HDLBP: variants seen among roughly 807,000 people sequenced by gnomAD.
The protein encoded by HDLBP is vigilin.
HDLBP carries 30 observed loss-of-function variants against 137.3 expected under a neutral mutation model. That is an observed-to-expected ratio of 0.22 (90% CI 0.16 to 0.30). The LOEUF is 0.30. Ranked by LOEUF, HDLBP falls within the 10% of genes least tolerant of loss-of-function variation. HDLBP has a pLI of 1.00. For missense variants in HDLBP, 1,119 were observed against 1,667.3 expected (o/e 0.67, Z 5.73); for synonymous variants, 606 against 596.0 (o/e 1.02, Z -0.24).
rs1006894424 is a variant in HDLBP, at chr2:241,240,751, A to T, written c.2170-629T>A. Among the ~76,000 whole-genome samples, 1 of 152,128 alleles carries T rather than the reference A, an allele frequency of 6.6e-6. No individual in the cohort carries two copies. The highest frequency in any genetic ancestry group is 2.4e-5 in the African/African-American group (1 of 41,432). On this transcript the variant is annotated intron_variant, in intron 17 of 27. Coordinates refer to ENST00000310931, the MANE Select transcript of HDLBP (RefSeq NM_005336.6). This position sits in a 1 kb window ranked among gnomAD's most constrained non-coding sequence, Gnocchi z 5.5. ...GTGTAGTGCGACGCCCTTGTGTGGC[A>T]GTAAGAAAACGAGGGTCCTGGAAAG... is the stretch of plus-strand genomic sequence containing the variant.
intron 12 of HDLBP, among the ~76,000 whole-genome samples, chr2:241,248,766 G>A (rs2071878573): frequency 6.6e-6 from 1 of 152,048 alleles, no homozygotes; most frequent in Non-Finnish European, 1.5e-5. Context: ...GATCCCTTCT[G>A]AACAGAGGGT....
At position 241,240,641 on chromosome 2, in the gene HDLBP, C is replaced by T. The variant is rs1033212691; in HGVS notation, c.2170-519G>A. Among the ~76,000 whole-genome samples, 13 of 152,192 alleles carry T rather than the reference C, an allele frequency of 8.5e-5. No individual in the cohort carries two copies. The highest frequency in any genetic ancestry group is 1.6e-4 in the Non-Finnish European group (11 of 68,026). On this transcript the variant is annotated intron_variant, in intron 17 of 27. Transcript: ENST00000310931. This position sits in a 1 kb window ranked among gnomAD's most constrained non-coding sequence, Gnocchi z 5.5. The stretch of plus-strand genomic sequence containing the variant: ...GTGCTACAGATCAGCCTCCACAAAA[C>T]CAGCCACTCCCCAGGCTCAAGCTCA...
rs2070905411 is a variant in HDLBP at position 241,238,991 on chromosome 2, AT to A, written c.2611-205del. ...TCTAAGGGGGTGGGCCTCCTCTGAA[AT>A]GTGTCCCAGAAGGCCAGGTGCCATC... On this transcript the variant is annotated intron_variant, in intron 19 of 27. Transcript: ENST00000310931. The surrounding 1 kb of genome is among the most constrained non-coding windows in gnomAD (Gnocchi z 4.9). 6.6e-6 allele frequency among the ~76,000 whole-genome samples: 1 copy of A among 152,130 alleles called. No individual in the cohort carries two copies. Among genetic ancestry groups the A allele is most frequent in the Admixed American group, 6.5e-5 (1 of 15,274 alleles).
intron 5 of HDLBP, among the ~76,000 whole-genome samples, chr2:241,261,212 A>G (rs113275513): frequency 4.8e-4 from 72 of 148,684 alleles, no homozygotes; most frequent in African/African-American, 1.0e-3. Flanking sequence ...AAAAAAAAAA[A>G]GGGGGTAGGA....
chr2:241,263,868 G>A (rs1206410360), intron 4 of HDLBP, among the ~76,000 whole-genome samples: 1 of 152,156 alleles, frequency 6.6e-6, no homozygotes, highest in East Asian at 1.9e-4. Context: ...CCACGTGCCT[G>A]TCCTACTGAG....
intron 1 of HDLBP, chr2:241,270,839 T>C (rs2073987706): frequency 2.8e-6 from 1 of 353,760 alleles, no homozygotes; most frequent in Non-Finnish European, 4.0e-6. Context: ...GTTCCCAGGA[T>C]ACCTTGGGCA....
Position 241,239,687 on chromosome 2 carries a change from G to T in HDLBP, c.2525C>A (p.Thr842Lys). ...CTTGAGGGTGACTTTGTCGCTCTGT[G>T]TGCCAGAGCGTGGGAAGCTGACCAT... ...GVMVSFPRSG[T>K]QSDKVTLKGA... is the part of the protein sequence containing the mutation. Residue 842 changes from threonine (T) to lysine (K), a missense_variant, in exon 19 of 28, where the codon ACA becomes AAA. This residue lies in a region of HDLBP where 618 missense variants were observed against 816.7 expected (regional missense o/e 0.76). Transcript: ENST00000310931. The surrounding 1 kb of genome is among the most constrained non-coding windows in gnomAD (Gnocchi z 4.6). 1 of 1,614,126 alleles carries T rather than the reference G, an allele frequency of 6.2e-7. No individual in the cohort carries two copies.
Position 241,229,428 on chromosome 2 carries a change from C to G in HDLBP, c.*173G>C. The G allele has an allele frequency of 1.7e-6, 1 of 574,562 alleles. No individual in the cohort carries two copies. Among genetic ancestry groups the G allele is most frequent in the Non-Finnish European group, 3.1e-6 (1 of 319,402 alleles). 35.6% of individuals were successfully genotyped at this position (574,562 alleles called of 1,614,324 possible). A position where few individuals can be genotyped will look rare whatever the true frequency, so the allele number is the denominator to read the frequency against. On this transcript the variant is annotated 3_prime_UTR_variant, in exon 28 of 28. Transcript: ENST00000310931. ...AGGTCCTGAGCGGGCACGGCCAGGC[C>G]TGGAGGAGCGGCCGCACACACAGCC...
At chr2:241,312,977 C>G (rs1271040085) in intron 1 of HDLBP, among the ~76,000 whole-genome samples, 1 of 152,166 alleles carries the variant, frequency 6.6e-6, no homozygotes, top group Non-Finnish European at 1.5e-5. Context: ...CAAGAGTATA[C>G]CAAATTCTAA....
chr2:241,287,133 C>CA (rs1182878121), intron 1 of HDLBP, among the ~76,000 whole-genome samples: 2 of 152,180 alleles, frequency 1.3e-5, no homozygotes, highest in African/African-American at 4.8e-5. Flanking sequence ...TGTTTTGAGA[C>CA]AGAGTCTCAC....
rs374603536 is a variant in HDLBP at position 241,243,906 on chromosome 2, A to G, written c.1951-1228T>C. Among the ~76,000 whole-genome samples, 8 of 152,362 alleles carry G rather than the reference A, an allele frequency of 5.3e-5. No individual in the cohort carries two copies. The East Asian group carries it at 1.3e-3, about 26-fold the overall frequency. On this transcript the variant is annotated intron_variant, in intron 16 of 27. Coordinates refer to ENST00000310931, the MANE Select transcript of HDLBP (RefSeq NM_005336.6). ...AATGCAAAGAATAGGGGGAAAACCC[A>G]TAACGAGGAAAAGAAAATAGAAAAC...
intron 1 of HDLBP, among the ~76,000 whole-genome samples, chr2:241,287,147 A>G (rs2074846677): frequency 6.6e-6 from 1 of 152,084 alleles, no homozygotes; most frequent in South Asian, 2.1e-4. Context: ...GTCTCACTCT[A>G]CTGCCCAGGC....
At chr2:241,242,437 T>C (rs2071334891) in intron 17 of HDLBP, 23 bp downstream of exon 17, 1 of 1,600,068 alleles carries the variant, frequency 6.2e-7, no homozygotes, top group Non-Finnish European at 8.6e-7. Context: ...CTGCCAAGAG[T>C]CACGCTCCCT....
chr2:241,246,941 C>T lies in HDLBP; in HGVS notation c.1819-58G>A, dbSNP rs1244919686. 12 of 1,598,008 alleles carry T rather than the reference C, an allele frequency of 7.5e-6. No individual in the cohort carries two copies. The East Asian group carries it at 1.8e-4, about 24-fold the overall frequency. ...CTAGAGCTCTCCCAGAGTTGAGACACAGTTGAGCACAGGGCTAGAAGTAAG... is the reference window on the plus strand; with the variant it reads ...CTAGAGCTCTCCCAGAGTTGAGACATAGTTGAGCACAGGGCTAGAAGTAAG... On this transcript the variant is annotated intron_variant, in intron 15 of 27. Transcript: ENST00000310931.
chr2:241,314,721 G>A (rs1311357621), intron 1 of HDLBP, among the ~76,000 whole-genome samples: 2 of 152,160 alleles, frequency 1.3e-5, no homozygotes, highest in Non-Finnish European at 1.5e-5. Flanking sequence ...GTAGCAGCTA[G>A]CCTTGAGCAC....
At chr2:241,242,805 C>T (rs1417725066) in intron 16 of HDLBP, 127 bp from the exon 17 acceptor site, 23 of 813,764 alleles carry the variant, frequency 2.8e-5, no homozygotes, top group Non-Finnish European at 3.2e-5. Context: ...ATGCCACTTA[C>T]AAGCACTGAC....
chr2:241,272,588 G>T lies in HDLBP; in HGVS notation c.-102-4047C>A, dbSNP rs1026362138. ...CGGAACCGCCACGCGCGGTAAGCAG[G>T]ACACCCGCGGGCGGGGGCCGCAGCC... is the stretch of plus-strand genomic sequence containing the variant. On this transcript the variant is annotated intron_variant, in intron 1 of 27. Coordinates refer to ENST00000310931, the MANE Select transcript of HDLBP (RefSeq NM_005336.6). The surrounding 1 kb of genome is among the most constrained non-coding windows in gnomAD (Gnocchi z 5.6). 19 of 983,860 alleles carry T rather than the reference G, an allele frequency of 1.9e-5. No individual in the cohort carries two copies. In the Admixed American group the frequency reaches 1.1e-3, roughly 54 times the overall value. 60.9% of individuals were successfully genotyped at this position (983,860 alleles called of 1,614,324 possible). A position where few individuals can be genotyped will look rare whatever the true frequency, so the allele number is the denominator to read the frequency against.
In HDLBP at chr2:241,293,932, A is replaced by C. The variant is rs532871879; in HGVS notation, c.-103+21638T>G. Among the ~76,000 whole-genome samples the C allele has an allele frequency of 1.3e-4, 20 of 152,006 alleles. No individual in the cohort carries two copies. In the South Asian group the frequency reaches 2.3e-3, roughly 18 times the overall value. ...GCGAGACCCTGCCTCAAAAAAAAAA[A>C]AAAACAAAAACAGAAACATAGCTAC... On this transcript the variant is annotated intron_variant, in intron 1 of 27. Transcript: ENST00000310931.
chr2:241,276,634 C>T (rs550161076), intron 1 of HDLBP, among the ~76,000 whole-genome samples: 7 of 152,152 alleles, frequency 4.6e-5, no homozygotes, highest in African/African-American at 1.7e-4. Flanking sequence ...AGAAGTACTC[C>T]GAGCAAATAC....
Sources: allele counts gnomAD v4.1 joint callset (sites outside exome capture counted in the v4.1 genomes callset), GRCh38; gene constraint gnomAD v4.1.1; regional missense constraint gnomAD v4.1.1; non-coding constraint Gnocchi (gnomAD v3.1); transcripts MANE v1.5; gene names NCBI Gene and HGNC (gene_info 2026-07-23, HGNC 2026-07-21).